AKAP6: variants seen among roughly 807,000 people sequenced by gnomAD.
The protein encoded by AKAP6 is A-kinase anchor protein 6.
In AKAP6, 58 loss-of-function variants were observed where a neutral mutation model predicts 188.5. The observed-to-expected ratio is 0.31, with a 90% CI of 0.25 to 0.38. The LOEUF (loss-of-function observed/expected upper bound fraction) is 0.38, where lower values mean the gene tolerates loss of function less well. Among genes scored for constraint, AKAP6 ranks in the 10% least tolerant of loss-of-function variants. The probability of loss-of-function intolerance (pLI) is 1.00; values close to 1 mark genes in which losing one functional copy is unlikely to be tolerated. For synonymous variants in AKAP6, 989 were observed against 998.6 expected (o/e 0.99, Z 0.18); for missense variants, 2,710 against 2,740.0 (o/e 0.99, Z 0.24).
intron 7 of AKAP6, among the ~76,000 whole-genome samples, chr14:32,650,584 G>A (rs544003932): frequency 2.0e-5 from 3 of 152,120 alleles, no homozygotes; most frequent in South Asian, 2.1e-4. Flanking sequence ...GTACTCCAGC[G>A]TGGGCAACAG....
chr14:32,340,051 A>T (rs762869250), intron 1 of AKAP6, among the ~76,000 whole-genome samples: 1 of 151,794 alleles, frequency 6.6e-6, no homozygotes, highest in Non-Finnish European at 1.5e-5. Flanking sequence ...CTTTAAAAAG[A>T]CAAGCAATAT....
chr14:32,684,722 C>A (rs1346952502), intron 8 of AKAP6, among the ~76,000 whole-genome samples: 10 of 146,776 alleles, frequency 6.8e-5, no homozygotes, highest in African/African-American at 2.3e-4. Context: ...AAATGAGAAT[C>A]ATTATCCTAG....
chr14:32,703,391 A>C (rs1890693232), intron 9 of AKAP6, among the ~76,000 whole-genome samples: 1 of 152,236 alleles, frequency 6.6e-6, no homozygotes, highest in African/African-American at 2.4e-5. Context: ...TGCTCCTAGA[A>C]AACTGTGCTT....
chr14:32,808,345 T>G (rs1319064667), intron 12 of AKAP6, among the ~76,000 whole-genome samples: 1 of 152,188 alleles, frequency 6.6e-6, no homozygotes, highest in Non-Finnish European at 1.5e-5. Flanking sequence ...CTGATGGAAC[T>G]TTTATGGGCC....
chr14:32,404,876 G>C (rs570066441), intron 1 of AKAP6, among the ~76,000 whole-genome samples: 10 of 150,538 alleles, frequency 6.6e-5, no homozygotes, highest in Admixed American at 1.3e-4. Flanking sequence ...TTCCATCCCT[G>C]GGTCTGAACT....
intron 7 of AKAP6, among the ~76,000 whole-genome samples, chr14:32,605,771 A>G (rs1278152030): frequency 6.6e-6 from 1 of 152,204 alleles, no homozygotes; most frequent in Non-Finnish European, 1.5e-5. Flanking sequence ...CACAGCAGTT[A>G]TGATCATCTA....
intron 1 of AKAP6, among the ~76,000 whole-genome samples, chr14:32,409,506 A>G (rs545397830): frequency 1.3e-5 from 2 of 152,324 alleles, no homozygotes; most frequent in South Asian, 4.1e-4. Flanking sequence ...ATCTTCTTCA[A>G]AAAACAGTAG....
In AKAP6 at chr14:32,835,879, C is replaced by T. The variant is rs570510151; in HGVS notation, c.*6074C>T. 4.6e-5 allele frequency: 7 copies of T among 152,246 alleles called. No homozygotes were observed. The highest frequency in any genetic ancestry group is 4.6e-4 in the Admixed American group (7 of 15,298). 9.4% of individuals were successfully genotyped at this position (152,246 alleles called of 1,614,324 possible). ...CCACATACCTTCTATATAACAATGG[C>T]CCTTTAGTTTGAGAGTTGCCACATA... On this transcript the variant is annotated 3_prime_UTR_variant, in exon 14 of 14. Coordinates refer to ENST00000280979, the MANE Select transcript of AKAP6 (RefSeq NM_004274.5).
At chr14:32,683,268 A>G (rs1479242498) in intron 8 of AKAP6, among the ~76,000 whole-genome samples, 3 of 152,108 alleles carry the variant, frequency 2.0e-5, no homozygotes, top group African/African-American at 4.8e-5. Context: ...TGCTGAGATT[A>G]CAGGAGTGAG....
At chr14:32,614,050 T>C (rs1886458240) in intron 7 of AKAP6, among the ~76,000 whole-genome samples, 1 of 152,178 alleles carries the variant, frequency 6.6e-6, no homozygotes, top group Admixed American at 6.5e-5. Context: ...TAATTGAAAA[T>C]TTCCCCTCAT....
chr14:32,528,611 T>C (rs1477924394), intron 2 of AKAP6, among the ~76,000 whole-genome samples: 1 of 152,112 alleles, frequency 6.6e-6, no homozygotes, highest in African/African-American at 2.4e-5. Context: ...GTAATGTTAG[T>C]CCCCCCGTTG....
chr14:32,526,898 T>C (rs1882159476), intron 2 of AKAP6, among the ~76,000 whole-genome samples: 1 of 152,176 alleles, frequency 6.6e-6, no homozygotes, highest in Admixed American at 6.5e-5. Flanking sequence ...GCTTTCCACA[T>C]TGTCAGCACC....
chr14:32,532,569 T>TG (rs1476404575), intron 2 of AKAP6, among the ~76,000 whole-genome samples: 1 of 152,232 alleles, frequency 6.6e-6, no homozygotes, highest in Non-Finnish European at 1.5e-5. Flanking sequence ...TGCTTTTACA[T>TG]GATGCTTTCG....
intron 2 of AKAP6, among the ~76,000 whole-genome samples, chr14:32,462,661 G>A (rs1441112063): frequency 1.3e-5 from 2 of 151,976 alleles, no homozygotes; most frequent in East Asian, 3.9e-4. Context: ...CGAAGAAACT[G>A]CATCAACTAA....
intron 1 of AKAP6, among the ~76,000 whole-genome samples, chr14:32,366,284 A>T (rs190066704): frequency 2.1e-3 from 324 of 152,340 alleles, no homozygotes; most frequent in Non-Finnish European, 3.0e-3. Flanking sequence ...TTATTAGCTA[A>T]CAAGTCCTTC....
In AKAP6 at chr14:32,800,145, C is replaced by CAT. The variant is rs1422643437; in HGVS notation, c.3589-21251_3589-21250dup. Among the ~76,000 whole-genome samples the CAT allele has an allele frequency of 3.0e-3, 344 of 115,136 alleles. 3 individuals are homozygous for CAT. The highest frequency in any genetic ancestry group is 0.011 in the African/African-American group (330 of 29,594). 75.5% of individuals were successfully genotyped at this position (115,136 alleles called of 152,430 possible). On this transcript the variant is annotated intron_variant, in intron 12 of 13. Coordinates refer to ENST00000280979, the MANE Select transcript of AKAP6 (RefSeq NM_004274.5). The stretch of plus-strand genomic sequence containing the variant: ...ATATATACACACATATATATACACA[C>CAT]ATATATACATATATATACACATATA...
chr14:32,794,999 A>G (rs2033721701), intron 12 of AKAP6, among the ~76,000 whole-genome samples: 1 of 152,152 alleles, frequency 6.6e-6, no homozygotes, highest in Non-Finnish European at 1.5e-5. Flanking sequence ...AGAAAATACT[A>G]TAAACACCTC....
chr14:32,582,696 T>G (rs1594760497), intron 5 of AKAP6, among the ~76,000 whole-genome samples: 1 of 152,292 alleles, frequency 6.6e-6, no homozygotes, highest in East Asian at 1.9e-4. Context: ...TTCTTTTTAT[T>G]CTTTTTTCTC....
chr14:32,581,333 G>A (rs1255965385), intron 5 of AKAP6, among the ~76,000 whole-genome samples: 1 of 152,122 alleles, frequency 6.6e-6, no homozygotes, highest in Non-Finnish European at 1.5e-5. Context: ...CTGAGTTCTA[G>A]TTTGATTGCA....
Sources: allele counts gnomAD v4.1 joint callset (sites outside exome capture counted in the v4.1 genomes callset), GRCh38; gene constraint gnomAD v4.1.1; transcripts MANE v1.5; gene names NCBI Gene and HGNC (gene_info 2026-07-23, HGNC 2026-07-21).